Variants in DLGAP1 observed in about 807,000 individuals in gnomAD.
DLGAP1 encodes the protein DLG associated protein 1, also known as disks large-associated protein 1.
In DLGAP1, 11 loss-of-function variants were observed where a neutral mutation model predicts 90.8. That is an observed-to-expected ratio of 0.12 (90% CI 0.08 to 0.20). DLGAP1 has a LOEUF of 0.20. Among genes scored for constraint, DLGAP1 ranks in the 10% least tolerant of loss-of-function variants. The probability of loss-of-function intolerance (pLI) is 1.00; values close to 1 mark genes in which losing one functional copy is unlikely to be tolerated. For synonymous variants in DLGAP1, 558 were observed against 540.7 expected (o/e 1.03, Z -0.44); for missense variants, 1,050 against 1,333.8 (o/e 0.79, Z 3.31).
intron 1 of DLGAP1, among the ~76,000 whole-genome samples, chr18:4,411,675 A>C (rs1164091873): frequency 6.6e-6 from 1 of 152,162 alleles, no homozygotes; most frequent in African/African-American, 2.4e-5. Context: ...TGAAGGCTCC[A>C]CATTCTGCAA....
chr18:3,706,582 T>C (rs1364676403), intron 7 of DLGAP1, among the ~76,000 whole-genome samples: 2 of 152,200 alleles, frequency 1.3e-5, no homozygotes, highest in East Asian at 1.9e-4. Flanking sequence ...CTTGTAGGTA[T>C]GAAAACGTAA....
At chr18:3,933,923 A>C (rs2072575399) in intron 3 of DLGAP1, among the ~76,000 whole-genome samples, 1 of 152,136 alleles carries the variant, frequency 6.6e-6, no homozygotes, top group Admixed American at 6.5e-5. Flanking sequence ...TCCTATAGTC[A>C]TACTGTCAAA....
At chr18:3,774,685 T>C (rs771039637) in intron 5 of DLGAP1, 9 of 152,146 alleles carry the variant, frequency 5.9e-5, no homozygotes, top group Non-Finnish European at 1.2e-4. Context: ...ATAACATAAA[T>C]GCAAGAGTAC....
chr18:4,093,888 C>T (rs1260227993), intron 2 of DLGAP1, among the ~76,000 whole-genome samples: 7 of 152,300 alleles, frequency 4.6e-5, no homozygotes, highest in South Asian at 2.1e-4. Flanking sequence ...CTCTCCCTCA[C>T]GCTTTTGACA....
intron 2 of DLGAP1, among the ~76,000 whole-genome samples, chr18:4,140,617 C>G (rs1208488914): frequency 6.6e-6 from 1 of 151,900 alleles, no homozygotes; most frequent in East Asian, 1.9e-4. Flanking sequence ...TTTCTGTGTA[C>G]TTACTTTTAC....
chr18:3,797,650 A>C (rs1488222125), intron 5 of DLGAP1, among the ~76,000 whole-genome samples: 1 of 152,232 alleles, frequency 6.6e-6, no homozygotes, highest in Non-Finnish European at 1.5e-5. Flanking sequence ...AACAGTTTTA[A>C]AGCGGGAGGG....
rs984087112 is a variant in DLGAP1 at position 4,107,383 on chromosome 18, C to T, written c.-159+43797G>A. Among the ~76,000 whole-genome samples, 7 of 152,154 alleles carry T rather than the reference C, an allele frequency of 4.6e-5. 1 individual carries two copies. The highest frequency in any genetic ancestry group is 3.9e-4 in the Admixed American group (6 of 15,280). ...TTAGTAGAAGCACAGGAAGCCCGTG[C>T]GATCGATGAAGAATACCGACCCTCC... On this transcript the variant is annotated intron_variant, in intron 2 of 12. Coordinates refer to ENST00000315677, the MANE Select transcript of DLGAP1 (RefSeq NM_004746.4).
At chr18:3,694,034 ACC>A (rs879757943) in intron 7 of DLGAP1, among the ~76,000 whole-genome samples, 2 of 107,028 alleles carry the variant, frequency 1.9e-5, no homozygotes, top group Admixed American at 1.9e-4. Context: ...TCCCCTAGCC[ACC>A]CCCCCCTCAG....
At chr18:4,018,394 G>C (rs530792708) in intron 2 of DLGAP1, among the ~76,000 whole-genome samples, 1 of 152,338 alleles carries the variant, frequency 6.6e-6, no homozygotes, top group East Asian at 1.9e-4. Context: ...GCATGACCTC[G>C]TGTGAGGCAG....
At chr18:3,721,643 T>C (rs2061987308) in intron 7 of DLGAP1, 1 of 152,142 alleles carries the variant, frequency 6.6e-6, no homozygotes. Flanking sequence ...AATACAGATT[T>C]CAAATATGGC....
chr18:4,192,875 C>G (rs1341169767), intron 1 of DLGAP1, among the ~76,000 whole-genome samples: 2 of 151,958 alleles, frequency 1.3e-5, no homozygotes, highest in Non-Finnish European at 1.5e-5. Flanking sequence ...AAGTTGTTCA[C>G]GTTGGAAGAG....
At chr18:3,976,952 T>G (rs1370824152) in intron 3 of DLGAP1, among the ~76,000 whole-genome samples, 4 of 152,238 alleles carry the variant, frequency 2.6e-5, no homozygotes, top group Non-Finnish European at 5.9e-5. Context: ...ACAGGTAAGG[T>G]TAAATTGTTA....
At chr18:3,524,612 G>C (rs1432363757) in intron 10 of DLGAP1, among the ~76,000 whole-genome samples, 2 of 152,180 alleles carry the variant, frequency 1.3e-5, no homozygotes, top group African/African-American at 4.8e-5. Context: ...GGTAGGCACA[G>C]TGGCTCTTGC....
intron 4 of DLGAP1, among the ~76,000 whole-genome samples, chr18:3,820,091 C>T (rs542145543): frequency 6.6e-5 from 10 of 152,126 alleles, no homozygotes; most frequent in South Asian, 2.1e-4. Flanking sequence ...GTCTGTGAGA[C>T]GATGATTGAG....
chr18:4,109,032 AG>A (rs2075922188), intron 2 of DLGAP1, among the ~76,000 whole-genome samples: 1 of 152,188 alleles, frequency 6.6e-6, no homozygotes, highest in African/African-American at 2.4e-5. Context: ...TCTAAATGGG[AG>A]TGAGTTACTT....
At chr18:3,921,806 T>G (rs888974124) in intron 3 of DLGAP1, among the ~76,000 whole-genome samples, 1 of 152,178 alleles carries the variant, frequency 6.6e-6, no homozygotes, top group Non-Finnish European at 1.5e-5. Flanking sequence ...ACAGTTAATT[T>G]GCAACAAGTA....
intron 1 of DLGAP1, among the ~76,000 whole-genome samples, chr18:4,281,592 T>C (rs1376992445): frequency 6.6e-6 from 1 of 152,130 alleles, no homozygotes. Context: ...TGCACTGATA[T>C]TGGTTATGTC....
intron 3 of DLGAP1, among the ~76,000 whole-genome samples, chr18:3,953,980 C>T (rs1366030753): frequency 6.6e-6 from 1 of 152,134 alleles, no homozygotes; most frequent in African/African-American, 2.4e-5. Context: ...TCATCATCAC[C>T]ATCGGATTGT....
chr18:3,628,117 C>T (rs1161002471), intron 7 of DLGAP1, among the ~76,000 whole-genome samples: 2 of 151,786 alleles, frequency 1.3e-5, no homozygotes, highest in Non-Finnish European at 2.9e-5. Context: ...CTCAAGTGGT[C>T]CACCCGCCTT....
Sources: allele counts gnomAD v4.1 joint callset (sites outside exome capture counted in the v4.1 genomes callset), GRCh38; gene constraint gnomAD v4.1.1; transcripts MANE v1.5; gene names NCBI Gene and HGNC (gene_info 2026-07-23, HGNC 2026-07-21).